GZF1: variants seen among roughly 807,000 people sequenced by gnomAD.
GZF1 encodes GDNF-inducible zinc finger protein 1.
Under a neutral mutation model 49.4 loss-of-function variants are expected in GZF1, and 28 were observed. The observed-to-expected ratio is 0.57, with a 90% confidence interval of 0.42 to 0.78. GZF1 has a LOEUF of 0.78. Ranked by LOEUF, GZF1 falls within the 30% of genes least tolerant of loss-of-function variation. The probability of loss-of-function intolerance (pLI) is 0.00; values close to 1 mark genes in which losing one functional copy is unlikely to be tolerated. For missense variants in GZF1, 798 were observed against 916.2 expected, an observed-to-expected ratio of 0.87 and a Z score of 1.67; for synonymous variants, 364 against 356.0, an observed-to-expected ratio of 1.02 and a Z score of -0.25.
chr20:23,371,432 C>T lies in GZF1; in HGVS notation c.*991C>T, dbSNP rs964771507. ...GAGATGGAAACAGGCAAGTAACTGA[C>T]ATGTCTATTTCCTTGGGAGCATGTG... On this transcript the variant is annotated 3_prime_UTR_variant, in exon 6 of 6. Coordinates refer to ENST00000338121, the MANE Select transcript of GZF1 (RefSeq NM_022482.5). The T allele has an allele frequency of 4.6e-5, 7 of 152,586 alleles. No homozygotes were observed. The highest frequency in any genetic ancestry group is 8.8e-5 in the Non-Finnish European group (6 of 68,032). The allele number at this position is 152,586 out of a possible 1,614,324, so 9.5% of individuals were successfully genotyped here.
At chr20:23,366,347 CTT>C (rs1224486214) in intron 2 of GZF1, among the ~76,000 whole-genome samples, 2 of 152,184 alleles carry the variant, frequency 1.3e-5, no homozygotes, top group Non-Finnish European at 2.9e-5. Context: ...GTTGTTTTCT[CTT>C]CTCTTCTAGA....
upstream of GZF1, among the ~76,000 whole-genome samples, chr20:23,361,303 T>C (rs1253874532): frequency 6.6e-6 from 1 of 152,154 alleles, no homozygotes; most frequent in African/African-American, 2.4e-5. Context: ...GAACTGGAAG[T>C]CTGACTCAAG....
rs759335586 is a variant in GZF1, at chr20:23,365,058, G to C, written c.675G>C (p.Arg225Ser). ...PYPKIRRASG[R>S]LAGRKVFVEI... Reference sequence around the variant, plus strand: ...CTAAAATCAGGAGAGCTAGTGGAAGGCTGGCTGGGAGGAAGGTCTTTGTGG... The same window carrying C: ...CTAAAATCAGGAGAGCTAGTGGAAGCCTGGCTGGGAGGAAGGTCTTTGTGG... The change falls in exon 2 of 6, where the codon AGG becomes AGC. Residue 225 changes from arginine (R) to serine (S), a missense_variant. By Grantham distance (110) the Arg-to-Ser change is moderately radical (BLOSUM62 -1). Coordinates refer to ENST00000338121, the MANE Select transcript of GZF1 (RefSeq NM_022482.5). The C allele has an allele frequency of 2.5e-6, 4 of 1,614,102 alleles. No homozygotes were observed. Among genetic ancestry groups the C allele is most frequent in the East Asian group, 2.2e-5 (1 of 44,890 alleles).
intron 4 of GZF1, 34 bp from the exon 5 acceptor site, chr20:23,369,550 G>A (rs1981818401): frequency 6.4e-7 from 1 of 1,572,850 alleles, no homozygotes; most frequent in Non-Finnish European, 8.6e-7. Context: ...AGGCCAAAGG[G>A]ACCCACCAGC....
chr20:23,362,862 G>C (rs1446612370), intron 1 of GZF1: 1 of 152,314 alleles, frequency 6.6e-6, no homozygotes, highest in Non-Finnish European at 1.5e-5. Flanking sequence ...TCTCCTCGAG[G>C]GCCCTGTTGG....
At chr20:23,369,504 C>T (rs972820925) in intron 4 of GZF1, 80 bp from the exon 5 acceptor site, 10 of 1,299,102 alleles carry the variant, frequency 7.7e-6, no homozygotes, top group African/African-American at 5.9e-5. Context: ...GCAACAGCAT[C>T]ATTCACTCAA....
intron 3 of GZF1, among the ~76,000 whole-genome samples, chr20:23,367,372 T>A (rs1440646595): frequency 6.6e-6 from 1 of 152,202 alleles, no homozygotes; most frequent in African/African-American, 2.4e-5. Flanking sequence ...AACCGAAATT[T>A]TTTTTTCTAA....
chr20:23,362,912 C>T (rs1044922386), intron 1 of GZF1: 1 of 152,396 alleles, frequency 6.6e-6, no homozygotes, highest in Non-Finnish European at 1.5e-5. Context: ...CTGAGAGAGC[C>T]CTCTGCAGTC....
intron 1 of GZF1, chr20:23,363,147 CATT>C (rs2123023201): frequency 6.6e-6 from 1 of 152,290 alleles, no homozygotes; most frequent in South Asian, 2.1e-4. Flanking sequence ...GGAGCGGTCT[CATT>C]GATGAGACTG....
chr20:23,364,861 G>A lies in GZF1; in HGVS notation c.478G>A (p.Ala160Thr). ...GAGCAGTGGCTCCCAAGTTAGTGCT[G>A]CTCCTGCCCCCAGGGCAAGTGTGGC... ...EVSSGSQVSAAPAPRASVATD... is the reference protein window; with the variant it reads ...EVSSGSQVSATPAPRASVATD... Residue 160 changes from alanine (A) to threonine (T), a missense_variant, in exon 2 of 6, where the codon GCT becomes ACT. Physicochemically the swap from Ala to Thr is moderately conservative, Grantham distance 58. This residue lies in a region of GZF1 where 247 missense variants were observed against 228.5 expected (regional missense o/e 1.08). Coordinates refer to ENST00000338121, the MANE Select transcript of GZF1 (RefSeq NM_022482.5). The A allele has an allele frequency of 6.2e-7, 1 of 1,614,200 alleles. No homozygotes were observed. Among genetic ancestry groups the A allele is most frequent in the Non-Finnish European group, 8.5e-7 (1 of 1,180,038 alleles).
upstream of GZF1, among the ~76,000 whole-genome samples, chr20:23,361,748 G>A (rs1980680486): frequency 6.6e-6 from 1 of 152,228 alleles, no homozygotes; most frequent in South Asian, 2.1e-4. Context: ...TCGGGGACGT[G>A]AGCAGCTCTT....
At chr20:23,367,135 A>C in intron 3 of GZF1, 38 bp downstream of exon 3, 1 of 1,372,756 alleles carries the variant, frequency 7.3e-7, no homozygotes, top group Non-Finnish European at 1.0e-6. Context: ...TGTCTTTCCT[A>C]GATCTAGAAG....
intron 1 of GZF1, 91 bp from the exon 2 acceptor site, chr20:23,364,272 A>G (rs530678664): frequency 9.8e-6 from 7 of 714,036 alleles, no homozygotes; most frequent in South Asian, 5.4e-5. Context: ...TAATGAGTCT[A>G]TATCCTCTCA....
rs192458055 is a variant in GZF1, at chr20:23,370,283, A to G, written c.1978A>G (p.Met660Val). The G allele has an allele frequency of 1.2e-6, 2 of 1,614,190 alleles. No individual in the cohort carries two copies. Among genetic ancestry groups the G allele is most frequent in the East Asian group, 2.2e-5 (1 of 44,886 alleles). ...LAAVQDTVPTMQENSSADTAC... is the reference protein window; with the variant it reads ...LAAVQDTVPTVQENSSADTAC... ...TGCAGTCCAAGACACTGTACCTACC[A>G]TGCAGGAGAACAGTTCTGCTGACAC... Residue 660 changes from methionine to valine, a missense_variant, in exon 6 of 6, where the codon ATG becomes GTG. Met to Val is a conservative substitution (Grantham distance 21). Transcript: ENST00000338121.
chr20:23,361,329 C>A (rs1438231074), upstream of GZF1, among the ~76,000 whole-genome samples: 2 of 152,174 alleles, frequency 1.3e-5, no homozygotes, highest in Admixed American at 6.5e-5. Context: ...TGTTTCAAAG[C>A]GGGCTTTAGT....
At chr20:23,369,438 A>T in intron 4 of GZF1, 146 bp from the exon 5 acceptor site, 1 of 683,122 alleles carries the variant, frequency 1.5e-6, no homozygotes, top group Non-Finnish European at 2.4e-6. Flanking sequence ...TGTAGCCCTT[A>T]AGTTGTTCCC....
rs143167064 is a variant in GZF1, at chr20:23,371,663, G to A, written c.*1222G>A. On this transcript the variant is annotated 3_prime_UTR_variant, in exon 6 of 6. Coordinates refer to ENST00000338121, the MANE Select transcript of GZF1 (RefSeq NM_022482.5). Reference sequence around the variant, plus strand: ...TTGACATTTGGTTCTAGGGCCTTGAGTATGTGCCACGTGCTTGTGAAATGC... The same window carrying A: ...TTGACATTTGGTTCTAGGGCCTTGAATATGTGCCACGTGCTTGTGAAATGC... 4 of 152,720 alleles carry A rather than the reference G, an allele frequency of 2.6e-5. No homozygotes were observed. The highest frequency in any genetic ancestry group is 5.9e-5 in the Non-Finnish European group (4 of 68,034). The allele number at this position is 152,720 out of a possible 1,614,324, so 9.5% of individuals were successfully genotyped here. A position where few individuals can be genotyped will look rare whatever the true frequency, so the allele number is the denominator to read the frequency against.
chr20:23,370,475 G>C lies in GZF1; in HGVS notation c.*34G>C. 7.5e-7 allele frequency: 1 copy of C among 1,327,780 alleles called. No individual in the cohort carries two copies. Among genetic ancestry groups the C allele is most frequent in the Non-Finnish European group, 1.1e-6 (1 of 929,918 alleles). 82.2% of individuals were successfully genotyped at this position (1,327,780 alleles called of 1,614,324 possible). ...AGCAGTTCCCATCCTGTTAGTCTGC[G>C]TGTGTGGTAGCTGAACTCAAGATGA... is the stretch of plus-strand genomic sequence containing the variant. On this transcript the variant is annotated 3_prime_UTR_variant, in exon 6 of 6. Transcript: ENST00000338121.
At chr20:23,368,172 C>A (rs1024314771) in intron 3 of GZF1, among the ~76,000 whole-genome samples, 5 of 152,044 alleles carry the variant, frequency 3.3e-5, no homozygotes, top group Admixed American at 2.0e-4. Context: ...TAGAATTGGT[C>A]CTTTGATAAT....
Sources: allele counts gnomAD v4.1 joint callset (sites outside exome capture counted in the v4.1 genomes callset), GRCh38; gene constraint gnomAD v4.1.1; regional missense constraint gnomAD v4.1.1; transcripts MANE v1.5; gene names NCBI Gene and HGNC (gene_info 2026-07-23, HGNC 2026-07-21).